NCKAP5: variants seen among roughly 807,000 people sequenced by gnomAD.
NCKAP5 encodes NCK associated protein 5, also known as nck-associated protein 5.
NCKAP5 carries 92 observed loss-of-function variants against 167.0 expected under a neutral mutation model. The ratio of observed to expected loss-of-function variants is 0.55; its 90% confidence interval spans 0.47 to 0.66. The LOEUF (loss-of-function observed/expected upper bound fraction) is 0.66, where lower values mean the gene tolerates loss of function less well. Ranked by LOEUF, NCKAP5 falls within the 30% of genes least tolerant of loss-of-function variation. The pLI is 0.00. For synonymous variants in NCKAP5, 891 were observed against 877.4 expected, an observed-to-expected ratio of 1.02 and a Z score of -0.27; for missense variants, 2,378 against 2,315.0, an observed-to-expected ratio of 1.03 and a Z score of -0.56.
intron 2 of NCKAP5, among the ~76,000 whole-genome samples, chr2:133,521,781 T>C (rs1684498779): frequency 6.6e-6 from 1 of 152,216 alleles, no homozygotes; most frequent in Admixed American, 6.5e-5. Context: ...CATTGGGAGT[T>C]AGGGGTTCAA....
chr2:133,608,661 T>G, the NCKAP5 span, among the ~76,000 whole-genome samples: 1 of 152,198 alleles, frequency 6.6e-6, no homozygotes, highest in Non-Finnish European at 1.5e-5. Flanking sequence ...AAGGTTTTGT[T>G]TGAGCCTCAA....
chr2:133,458,966 G>A (rs1197455092), intron 3 of NCKAP5, among the ~76,000 whole-genome samples: 1 of 152,192 alleles, frequency 6.6e-6, no homozygotes, highest in Non-Finnish European at 1.5e-5. Flanking sequence ...CTAAGAAAGA[G>A]TTGAATCACT....
the NCKAP5 span, among the ~76,000 whole-genome samples, chr2:133,621,811 A>T: frequency 6.6e-6 from 1 of 152,016 alleles, no homozygotes; most frequent in Admixed American, 6.6e-5. Flanking sequence ...TAATACCCAA[A>T]CCACGCAAGG....
At chr2:132,995,702 C>T (rs1007969279) in intron 6 of NCKAP5, among the ~76,000 whole-genome samples, 7 of 150,988 alleles carry the variant, frequency 4.6e-5, no homozygotes, top group African/African-American at 9.8e-5. Context: ...TGTCTGGGCA[C>T]GGTGGGTCAC....
intron 15 of NCKAP5, among the ~76,000 whole-genome samples, chr2:132,778,554 T>C (rs1036365345): frequency 7.2e-5 from 11 of 152,192 alleles, no homozygotes; most frequent in Admixed American, 6.5e-5. Context: ...GGTGGTATAG[T>C]ACGTCATAAG....
At chr2:133,364,986 A>G (rs1685363404) in intron 3 of NCKAP5, among the ~76,000 whole-genome samples, 1 of 152,054 alleles carries the variant, frequency 6.6e-6, no homozygotes, top group African/African-American at 2.4e-5. Flanking sequence ...CTTAGACTCA[A>G]GCAATCCTTC....
chr2:132,878,997 A>G, intron 8 of NCKAP5, 81 bp from the exon 9 acceptor site: 1 of 1,074,774 alleles, frequency 9.3e-7, no homozygotes, highest in South Asian at 1.3e-5. Context: ...CAGTTACTAA[A>G]TATATCTCCT....
chr2:133,087,740 T>TA lies in NCKAP5; in HGVS notation c.341+42237dup, dbSNP rs553703533. ...CATTATTTTCCATGTTAATAATTCT[T>TA]ACAGCAACAGAAGATCATTAAAACC... On this transcript the variant is annotated intron_variant, in intron 6 of 19. Transcript: ENST00000409261. Among the ~76,000 whole-genome samples the TA allele has an allele frequency of 8.5e-5, 13 of 152,330 alleles. No individual in the cohort carries two copies. In the South Asian group the frequency reaches 2.7e-3, roughly 32 times the overall value.
intron 3 of NCKAP5, among the ~76,000 whole-genome samples, chr2:133,371,753 T>A (rs1366558478): frequency 1.3e-5 from 2 of 152,166 alleles, no homozygotes; most frequent in Non-Finnish European, 2.9e-5. Flanking sequence ...CCCTCCTCAA[T>A]TTTTTTCCTT....
intron 2 of NCKAP5, among the ~76,000 whole-genome samples, chr2:133,557,094 G>A (rs1451545321): frequency 6.6e-6 from 1 of 152,132 alleles, no homozygotes; most frequent in Non-Finnish European, 1.5e-5. Flanking sequence ...AGAATTCTAG[G>A]TTCTAAATAA....
chr2:132,957,599 C>T (rs1486032881), intron 8 of NCKAP5, among the ~76,000 whole-genome samples: 1 of 152,182 alleles, frequency 6.6e-6, no homozygotes, highest in African/African-American at 2.4e-5. Context: ...TGTCTCCCAG[C>T]TTCATTTTCC....
At chr2:133,248,706 G>A (rs967009276) in intron 4 of NCKAP5, among the ~76,000 whole-genome samples, 1 of 152,202 alleles carries the variant, frequency 6.6e-6, no homozygotes, top group Non-Finnish European at 1.5e-5. Flanking sequence ...TCTCTTCAGT[G>A]TAGAGTTGGA....
At chr2:133,421,193 T>C (rs957791759) in intron 3 of NCKAP5, among the ~76,000 whole-genome samples, 2 of 152,146 alleles carry the variant, frequency 1.3e-5, no homozygotes, top group African/African-American at 4.8e-5. Context: ...TGAACTCACC[T>C]CTGCTTGCTC....
chr2:133,188,310 TCA>T (rs1489706889), intron 5 of NCKAP5, among the ~76,000 whole-genome samples: 5 of 152,030 alleles, frequency 3.3e-5, no homozygotes. Flanking sequence ...ACAAAGAGAC[TCA>T]GACTCCCACA....
intron 9 of NCKAP5, among the ~76,000 whole-genome samples, chr2:132,871,634 T>C (rs1462045181): frequency 6.6e-6 from 1 of 152,194 alleles, no homozygotes; most frequent in East Asian, 1.9e-4. Context: ...ATCCAAGCAG[T>C]TGCCCTATAG....
rs72991334 is a variant in NCKAP5, at chr2:132,826,378, G to C, written c.808-29649C>G. On this transcript the variant is annotated intron_variant, in intron 11 of 19. Transcript: ENST00000409261. ...TTATGGGGTGTGAAATATGCATCAT[G>C]ATGAGAAAACAATTAAACAGCACAC... Among the ~76,000 whole-genome samples, 1,424 of 152,178 alleles carry C rather than the reference G, an allele frequency of 9.4e-3. 16 individuals carry two copies. The highest frequency in any genetic ancestry group is 0.033 in the African/African-American group (1,370 of 41,504).
intron 12 of NCKAP5, among the ~76,000 whole-genome samples, chr2:132,791,845 A>G (rs1482320512): frequency 6.6e-6 from 1 of 152,172 alleles, no homozygotes; most frequent in Non-Finnish European, 1.5e-5. Context: ...TGTTTAATTT[A>G]CTCTCTAATC....
intron 8 of NCKAP5, among the ~76,000 whole-genome samples, chr2:132,910,314 A>G (rs1016652809): frequency 6.6e-6 from 1 of 152,110 alleles, no homozygotes; most frequent in African/African-American, 2.4e-5. Flanking sequence ...ATTATTGACT[A>G]TAGTCAATAA....
In NCKAP5 at chr2:132,892,595, C is replaced by T. The variant is rs377623625; in HGVS notation, c.580-13679G>A. 1.8e-4 allele frequency among the ~76,000 whole-genome samples: 28 copies of T among 152,196 alleles called. No homozygotes were observed. The East Asian group carries it at 3.7e-3, about 20-fold the overall frequency. ...AGTAGAGAATATTTGTGGCATTAAC[C>T]ACCAGGTATTTTAGAAGTTAAACTA... On this transcript the variant is annotated intron_variant, in intron 8 of 19. Coordinates refer to ENST00000409261, the MANE Select transcript of NCKAP5 (RefSeq NM_207363.3).
Sources: allele counts gnomAD v4.1 joint callset (sites outside exome capture counted in the v4.1 genomes callset), GRCh38; gene constraint gnomAD v4.1.1; transcripts MANE v1.5; gene names NCBI Gene and HGNC (gene_info 2026-07-23, HGNC 2026-07-21).